FARS2: variants seen among roughly 807,000 people sequenced by gnomAD.
The protein encoded by FARS2 is phenylalanyl-tRNA synthetase 2, mitochondrial.
FARS2 carries 40 observed loss-of-function variants against 46.4 expected under a neutral mutation model. That is an observed-to-expected ratio of 0.86 (90% CI 0.67 to 1.12). The LOEUF (loss-of-function observed/expected upper bound fraction) is 1.12. Ranked by LOEUF, FARS2 falls within the 50% of genes most tolerant of loss-of-function variation. FARS2 has a pLI of 0.00. For missense variants in FARS2, 513 were observed against 567.9 expected, an observed-to-expected ratio of 0.90 and a Z score of 0.98; for synonymous variants, 234 against 214.9, an observed-to-expected ratio of 1.09 and a Z score of -0.78.
In FARS2 at chr6:5,336,239, GA is replaced by G. The variant is rs996839748; in HGVS notation, c.-21-32301del. The stretch of plus-strand genomic sequence containing the variant: ...TGGCTTTTGGTAAAAACAGAAAGGA[GA>G]AAAAAAAAACCTTAGTTCTAAATAT... On this transcript the variant is annotated intron_variant, in intron 1 of 6. Coordinates refer to ENST00000274680, the MANE Select transcript of FARS2 (RefSeq NM_006567.5). Among the ~76,000 whole-genome samples the G allele has an allele frequency of 3.1e-4, 45 of 145,154 alleles. No homozygotes were observed. The Middle Eastern group carries it at 0.01, about 34-fold the overall frequency.
In FARS2 at chr6:5,352,968, A is replaced by G. The variant is rs182258432; in HGVS notation, c.-21-15582A>G. Reference sequence around the variant, plus strand: ...ATATTTTGAAATTATATCATACAATATTGTTAATGATAATCACCCTTCTGC... The same window carrying G: ...ATATTTTGAAATTATATCATACAATGTTGTTAATGATAATCACCCTTCTGC... On this transcript the variant is annotated intron_variant, in intron 1 of 6. Coordinates refer to ENST00000274680, the MANE Select transcript of FARS2 (RefSeq NM_006567.5). Among the ~76,000 whole-genome samples the G allele has an allele frequency of 3.7e-4, 57 of 152,294 alleles. 1 individual carries two copies. The East Asian group carries it at 0.011, about 28-fold the overall frequency.
intron 2 of FARS2, among the ~76,000 whole-genome samples, chr6:5,388,565 G>A (rs914547164): frequency 6.6e-6 from 1 of 152,100 alleles, no homozygotes; most frequent in Non-Finnish European, 1.5e-5. Flanking sequence ...AAAAAAGCCT[G>A]TTCTTTTCTG....
At chr6:5,353,262 A>G (rs1246048391) in intron 1 of FARS2, among the ~76,000 whole-genome samples, 1 of 152,158 alleles carries the variant, frequency 6.6e-6, no homozygotes, top group Non-Finnish European at 1.5e-5. Flanking sequence ...ATAGTATTTC[A>G]TTGTGTATAT....
Position 5,687,339 on chromosome 6 carries a change from A to G in FARS2, c.1217+74019A>G, listed in dbSNP as rs146988133. ...GGGTTTTTATGGTTTTAGGTCTAAC[A>G]TTTAAGTCTTTAATCCATCTCGCAT... On this transcript the variant is annotated intron_variant, in intron 6 of 6. Coordinates refer to ENST00000274680, the MANE Select transcript of FARS2 (RefSeq NM_006567.5). Among the ~76,000 whole-genome samples the G allele has an allele frequency of 8.4e-4, 128 of 152,332 alleles. 1 individual carries two copies. Among genetic ancestry groups the G allele is most frequent in the African/African-American group, 3.0e-3 (125 of 41,568 alleles).
At chr6:5,632,023 ATTAAAG>A (rs1388641604) in intron 6 of FARS2, among the ~76,000 whole-genome samples, 1 of 152,212 alleles carries the variant, frequency 6.6e-6, no homozygotes, top group Non-Finnish European at 1.5e-5. Flanking sequence ...AAATATGAAA[ATTAAAG>A]TTAGATAAAA....
At chr6:5,605,236 A>T (rs909805867) in intron 5 of FARS2, among the ~76,000 whole-genome samples, 1 of 152,238 alleles carries the variant, frequency 6.6e-6, no homozygotes, top group Non-Finnish European at 1.5e-5. Flanking sequence ...GGGCTGCAGG[A>T]TCGCTAGCCG....
chr6:5,616,010 T>TAAAAAAAAAAAAAAAAA (rs11327256), intron 6 of FARS2, among the ~76,000 whole-genome samples: 2 of 95,826 alleles, frequency 2.1e-5, no homozygotes, highest in African/African-American at 3.9e-5. Flanking sequence ...CCATAGCTCT[T>TAAAAAAAAAAAAAAAAA]AAAAAAAAAA....
chr6:5,348,208 C>T (rs1023475293), intron 1 of FARS2, among the ~76,000 whole-genome samples: 3 of 152,114 alleles, frequency 2.0e-5, no homozygotes, highest in African/African-American at 4.8e-5. Flanking sequence ...TTCACGATTA[C>T]TGCTTTCTGT....
rs558948832 is a variant in FARS2, at chr6:5,392,334, ACTG to A, written c.613-12202_613-12200del. 2.8e-3 allele frequency among the ~76,000 whole-genome samples: 428 copies of A among 152,122 alleles called. 2 individuals are homozygous for A. Among genetic ancestry groups the A allele is most frequent in the African/African-American group, 9.7e-3 (402 of 41,472 alleles). ...TTGTGTTGTGCACATGGCCTTATGA[ACTG>A]CTGCTTTTCCTTATTTCAGGGTTTT... On this transcript the variant is annotated intron_variant, in intron 2 of 6. Coordinates refer to ENST00000274680, the MANE Select transcript of FARS2 (RefSeq NM_006567.5).
chr6:5,471,794 C>T lies in FARS2; in HGVS notation c.904+40622C>T, dbSNP rs1433141684. Among the ~76,000 whole-genome samples the T allele has an allele frequency of 6.6e-6, 1 of 152,158 alleles. No individual in the cohort carries two copies. Among genetic ancestry groups the T allele is most frequent in the Non-Finnish European group, 1.5e-5 (1 of 68,032 alleles). ...TCTTGTCCCACCAGTGCACATGGTG[C>T]GCCCCGTCTGACACCAGGGCGACTT... On this transcript the variant is annotated intron_variant, in intron 4 of 6. Coordinates refer to ENST00000274680, the MANE Select transcript of FARS2 (RefSeq NM_006567.5). The surrounding 1 kb of genome is among the most constrained non-coding windows in gnomAD (Gnocchi z 4.1).
intron 2 of FARS2, among the ~76,000 whole-genome samples, chr6:5,400,601 G>A (rs1014630347): frequency 1.3e-5 from 2 of 149,918 alleles, no homozygotes; most frequent in African/African-American, 4.9e-5. Flanking sequence ...TTTTCATTAT[G>A]AAGGGAGTAA....
intron 3 of FARS2, among the ~76,000 whole-genome samples, chr6:5,409,993 C>T (rs1761842339): frequency 6.6e-6 from 1 of 152,114 alleles, no homozygotes; most frequent in African/African-American, 2.4e-5. Flanking sequence ...GGAACCTGGG[C>T]CCATCTGATG....
In FARS2 at chr6:5,668,681, T is replaced by A. The variant is rs918385679; in HGVS notation, c.1217+55361T>A. On this transcript the variant is annotated intron_variant, in intron 6 of 6. Coordinates refer to ENST00000274680, the MANE Select transcript of FARS2 (RefSeq NM_006567.5). ...CTTGAGCAAGTTTCTTTTTTGTGTGTTTGGGTTTTTTTTTTTTTTTTTTTT... is the reference window on the plus strand; with the variant it reads ...CTTGAGCAAGTTTCTTTTTTGTGTGATTGGGTTTTTTTTTTTTTTTTTTTT... Among the ~76,000 whole-genome samples, 908 of 139,072 alleles carry A rather than the reference T, an allele frequency of 6.5e-3. 1 individual carries two copies. Among genetic ancestry groups the A allele is most frequent in the Non-Finnish European group, 9.2e-3 (604 of 65,688 alleles). The allele number at this position is 139,072 out of a possible 152,430, so 91.2% of individuals were successfully genotyped here.
At chr6:5,425,531 G>A (rs878970910) in intron 3 of FARS2, among the ~76,000 whole-genome samples, 2 of 151,788 alleles carry the variant, frequency 1.3e-5, no homozygotes, top group Admixed American at 6.6e-5. Flanking sequence ...ACACACACCC[G>A]CCCTGCAAGT....
chr6:5,252,260 T>C, the FARS2 span, among the ~76,000 whole-genome samples: 11 of 152,128 alleles, frequency 7.2e-5, no homozygotes, highest in Non-Finnish European at 1.6e-4. Flanking sequence ...AAGAATGGGG[T>C]TGTGGAAGCG....
At chr6:5,367,360 A>G (rs1007127347) in intron 1 of FARS2, among the ~76,000 whole-genome samples, 1 of 152,196 alleles carries the variant, frequency 6.6e-6, no homozygotes, top group South Asian at 2.1e-4. Flanking sequence ...ATGGATTTTT[A>G]TAATTTAAGT....
intron 6 of FARS2, among the ~76,000 whole-genome samples, chr6:5,688,079 A>G (rs988768335): frequency 2.0e-5 from 3 of 152,240 alleles, no homozygotes; most frequent in South Asian, 2.1e-4. Context: ...GAAGTTGCCT[A>G]TCAGCTTAAG....
chr6:5,431,672 G>A (rs1339837685), intron 4 of FARS2: 2 of 532,966 alleles, frequency 3.8e-6, no homozygotes, highest in African/African-American at 3.9e-5. Flanking sequence ...TGCATAGGCG[G>A]CGCCACCTGA....
At chr6:5,535,507 T>C (rs1186180446) in intron 4 of FARS2, among the ~76,000 whole-genome samples, 1 of 152,224 alleles carries the variant, frequency 6.6e-6, no homozygotes, top group African/African-American at 2.4e-5. Context: ...TTTCTTTTTC[T>C]TGCCTAATTT....
Sources: gnomAD v4.1 joint callset for allele counts (sites outside exome capture counted in the v4.1 genomes callset) on GRCh38, gnomAD v4.1.1 for gene constraint, Gnocchi (gnomAD v3.1) non-coding constraint, MANE v1.5 for transcripts, NCBI Gene and HGNC (gene_info 2026-07-23, HGNC 2026-07-21) for gene names.